The following EHBP1 variants were observed in gnomAD, a reference collection of about 807,000 sequenced individuals.
EHBP1 encodes EH domain binding protein 1, also known as EH domain-binding protein 1.
EHBP1 carries 55 observed loss-of-function variants against 144.0 expected under a neutral mutation model. The ratio of observed to expected loss-of-function variants is 0.38; its 90% confidence interval spans 0.31 to 0.48. The LOEUF (loss-of-function observed/expected upper bound fraction) is 0.48, where lower values mean the gene tolerates loss of function less well. Ranked by LOEUF, EHBP1 falls within the 20% of genes least tolerant of loss-of-function variation. The pLI, the probability that EHBP1 is intolerant of heterozygous loss-of-function variation, is 0.98. For missense variants in EHBP1, 1,200 were observed against 1,364.2 expected (o/e 0.88, Z 1.90); for synonymous variants, 469 against 472.7 (o/e 0.99, Z 0.10).
At chr2:62,748,382 C>G (rs577554861) in intron 3 of EHBP1, among the ~76,000 whole-genome samples, 9 of 152,196 alleles carry the variant, frequency 5.9e-5, no homozygotes, top group Middle Eastern at 6.8e-3. Flanking sequence ...TGGCCAGATT[C>G]TATCCTTACG....
chr2:62,997,008 A>G (rs918767389), intron 19 of EHBP1, among the ~76,000 whole-genome samples: 2 of 152,126 alleles, frequency 1.3e-5, no homozygotes, highest in East Asian at 1.9e-4. Flanking sequence ...TCATCCATGC[A>G]GAGTTGGAAT....
intron 1 of EHBP1, among the ~76,000 whole-genome samples, chr2:62,677,563 GT>G (rs2033347112): frequency 6.6e-6 from 1 of 151,908 alleles, no homozygotes; most frequent in South Asian, 2.1e-4. Context: ...ACACTGTTAT[GT>G]TAACAAATAC....
At chr2:62,808,111 T>G (rs548812049) in intron 5 of EHBP1, among the ~76,000 whole-genome samples, 39 of 151,864 alleles carry the variant, frequency 2.6e-4, no homozygotes, top group African/African-American at 8.9e-4. Context: ...TTTTTTGGCC[T>G]TTATCCTGCT....
intron 19 of EHBP1, among the ~76,000 whole-genome samples, chr2:63,010,208 G>A (rs2060211369): frequency 6.6e-6 from 1 of 151,246 alleles, no homozygotes; most frequent in Non-Finnish European, 1.5e-5. Flanking sequence ...ACAAGTCTTA[G>A]AGATCATCTA....
chr2:62,747,368 A>G (rs1254055914), intron 2 of EHBP1, 27 bp from the exon 3 acceptor site: 3 of 1,598,894 alleles, frequency 1.9e-6, no homozygotes, highest in Non-Finnish European at 2.6e-6. Flanking sequence ...AAGATAAATT[A>G]TGTTTAACTT....
At chr2:62,731,230 G>A (rs973855833) in intron 2 of EHBP1, among the ~76,000 whole-genome samples, 10 of 152,026 alleles carry the variant, frequency 6.6e-5, no homozygotes, top group Non-Finnish European at 1.5e-4. Context: ...CATTGCTGAT[G>A]TATAAAAGGA....
intron 5 of EHBP1, among the ~76,000 whole-genome samples, chr2:62,792,959 A>T (rs541985596): frequency 1.3e-5 from 2 of 152,064 alleles, no homozygotes; most frequent in African/African-American, 4.8e-5. Flanking sequence ...ATCTTTAAAA[A>T]TTTTAATATT....
chr2:62,993,523 C>T lies in EHBP1; in HGVS notation c.2734-7C>T, dbSNP rs941559830. Reference sequence around the variant, plus strand: ...GACTCTCTTACCATGTGTTGTTTTACGTTTAGAGTGGCACAGAAGATCTCC... The same window carrying T: ...GACTCTCTTACCATGTGTTGTTTTATGTTTAGAGTGGCACAGAAGATCTCC... On this transcript the variant is annotated splice_region_variant and splice_polypyrimidine_tract_variant and intron_variant, in intron 16 of 22. Coordinates refer to ENST00000431489, the MANE Select transcript of EHBP1 (RefSeq NM_001142616.3). The T allele has an allele frequency of 7.7e-6, 12 of 1,563,310 alleles. No homozygotes were observed. Among genetic ancestry groups the T allele is most frequent in the African/African-American group, 5.4e-5 (4 of 73,598 alleles).
At chr2:62,677,065 G>A (rs899138205) in intron 1 of EHBP1, among the ~76,000 whole-genome samples, 24 of 152,224 alleles carry the variant, frequency 1.6e-4, no homozygotes, top group African/African-American at 5.5e-4. Context: ...CGCAGTGGTC[G>A]GGGAGGGACA....
chr2:62,743,733 C>A (rs1374799109), intron 2 of EHBP1, among the ~76,000 whole-genome samples: 1 of 152,058 alleles, frequency 6.6e-6, no homozygotes, highest in African/African-American at 2.4e-5. Context: ...AGTTTTCATA[C>A]ACAGTAGCTC....
chr2:62,838,325 G>A (rs1467750584), intron 7 of EHBP1, among the ~76,000 whole-genome samples: 7 of 151,966 alleles, frequency 4.6e-5, no homozygotes, highest in Non-Finnish European at 8.8e-5. Flanking sequence ...ACAATCTCTG[G>A]GACACATTCA....
At chr2:62,879,099 G>T (rs1382266052) in intron 10 of EHBP1, among the ~76,000 whole-genome samples, 6 of 151,572 alleles carry the variant, frequency 4.0e-5, no homozygotes, top group South Asian at 2.1e-4. Context: ...ATCCCTTCAT[G>T]TTAAAAACCC....
At chr2:63,032,553 C>T (rs2061296846) in intron 19 of EHBP1, among the ~76,000 whole-genome samples, 1 of 119,156 alleles carries the variant, frequency 8.4e-6, no homozygotes, top group South Asian at 2.7e-4. Flanking sequence ...GGCGACAGAG[C>T]GAGACTCTGT....
At chr2:62,697,512 A>G (rs1181923572) in intron 1 of EHBP1, among the ~76,000 whole-genome samples, 1 of 152,150 alleles carries the variant, frequency 6.6e-6, no homozygotes. Context: ...GTTTTTTGTC[A>G]TTGTTAAACA....
At chr2:62,809,504 A>G (rs1017455150) in intron 5 of EHBP1, among the ~76,000 whole-genome samples, 10 of 151,704 alleles carry the variant, frequency 6.6e-5, no homozygotes, top group Non-Finnish European at 1.3e-4. Context: ...TTTTGTTTTT[A>G]TAATTTCAAT....
intron 10 of EHBP1, among the ~76,000 whole-genome samples, chr2:62,929,343 A>C (rs1263366228): frequency 6.6e-6 from 1 of 152,194 alleles, no homozygotes; most frequent in Non-Finnish European, 1.5e-5. Flanking sequence ...ATACTAGCAA[A>C]CTAAATTCAG....
At chr2:62,903,581 A>G (rs2152953733) in intron 10 of EHBP1, among the ~76,000 whole-genome samples, 1 of 152,266 alleles carries the variant, frequency 6.6e-6, no homozygotes, top group Admixed American at 6.5e-5. Flanking sequence ...TGGGCAACAT[A>G]GTTAGACCCT....
chr2:62,853,778 C>T (rs899374948), intron 7 of EHBP1, among the ~76,000 whole-genome samples: 20 of 152,194 alleles, frequency 1.3e-4, no homozygotes, highest in Non-Finnish European at 4.4e-5. Context: ...CACTAATCAC[C>T]TGTACATCTC....
At chr2:62,757,158 TCTTA>T (rs2040362038) in intron 3 of EHBP1, among the ~76,000 whole-genome samples, 1 of 152,056 alleles carries the variant, frequency 6.6e-6, no homozygotes, top group South Asian at 2.1e-4. Context: ...TAAGACAGGA[TCTTA>T]CTTGTTGCCC....
Sources: allele counts gnomAD v4.1 joint callset (sites outside exome capture counted in the v4.1 genomes callset), GRCh38; gene constraint gnomAD v4.1.1; transcripts MANE v1.5; gene names NCBI Gene and HGNC (gene_info 2026-07-23, HGNC 2026-07-21).